GRIP1: variants seen among roughly 807,000 people sequenced by gnomAD.
GRIP1 encodes the protein glutamate receptor-interacting protein 1.
In GRIP1, 45 loss-of-function variants were observed where a neutral mutation model predicts 129.9. The ratio of observed to expected loss-of-function variants is 0.35; its 90% CI spans 0.27 to 0.44. The LOEUF is 0.44. Among genes scored for constraint, GRIP1 ranks in the 20% least tolerant of loss-of-function variants. The pLI is 1.00. For missense variants in GRIP1, 1,196 were observed against 1,396.8 expected, an observed-to-expected ratio of 0.86 and a Z score of 2.29; for synonymous variants, 530 against 520.8, an observed-to-expected ratio of 1.02 and a Z score of -0.24.
At chr12:66,378,046 G>T (rs540869014) in intron 20 of GRIP1, among the ~76,000 whole-genome samples, 1 of 151,904 alleles carries the variant, frequency 6.6e-6, no homozygotes, top group Non-Finnish European at 1.5e-5. Context: ...AAATGTTTTG[G>T]TAAGGAACAA....
chr12:66,988,049 G>C (rs1443526142), intron 1 of GRIP1, among the ~76,000 whole-genome samples: 1 of 152,086 alleles, frequency 6.6e-6, no homozygotes, highest in Non-Finnish European at 1.5e-5. Context: ...CCAGAGGTCA[G>C]GATAAAAGAA....
chr12:66,979,343 G>GAAAA (rs1006535932), intron 1 of GRIP1, among the ~76,000 whole-genome samples: 2 of 137,050 alleles, frequency 1.5e-5, no homozygotes, highest in Non-Finnish European at 3.1e-5. Flanking sequence ...TTGGCAAGGT[G>GAAAA]AAAAAAAAAA....
intron 22 of GRIP1, 40 bp downstream of exon 22, chr12:66,376,977 C>CAGCTT: frequency 6.9e-7 from 1 of 1,453,342 alleles, no homozygotes; most frequent in Non-Finnish European, 9.7e-7. Context: ...GTAGGGAAGG[C>CAGCTT]AGCTTCACAA....
At chr12:66,994,711 T>C (rs890796467) in intron 1 of GRIP1, among the ~76,000 whole-genome samples, 2 of 151,942 alleles carry the variant, frequency 1.3e-5, no homozygotes, top group African/African-American at 4.8e-5. Flanking sequence ...ATCTAAAAAA[T>C]AGAAAGTCTT....
intron 2 of GRIP1, among the ~76,000 whole-genome samples, chr12:66,565,400 T>A (rs1273909228): frequency 1.3e-5 from 2 of 152,208 alleles, no homozygotes; most frequent in Non-Finnish European, 2.9e-5. Flanking sequence ...CCATTTCTTG[T>A]TTTTGTCAGG....
intron 1 of GRIP1, among the ~76,000 whole-genome samples, chr12:66,637,285 T>C (rs2031487872): frequency 6.6e-6 from 1 of 152,138 alleles, no homozygotes; most frequent in South Asian, 2.1e-4. Context: ...TTTGGGAAGA[T>C]AAAGGATGAT....
intron 4 of GRIP1, among the ~76,000 whole-genome samples, chr12:66,533,513 T>C (rs11612762): frequency 0.19 from 28,985 of 151,894 alleles, 2,831 homozygotes; most frequent in African/African-American, 0.22. Context: ...GACATAATGG[T>C]GGGCACCTGT....
At chr12:66,372,905 T>C (rs1412638538) in intron 22 of GRIP1, among the ~76,000 whole-genome samples, 1 of 152,214 alleles carries the variant, frequency 6.6e-6, no homozygotes, top group Non-Finnish European at 1.5e-5. Flanking sequence ...TTGGTAAATC[T>C]TCCTGATACC....
At chr12:66,976,411 C>T (rs1036726544) in intron 1 of GRIP1, among the ~76,000 whole-genome samples, 2 of 152,146 alleles carry the variant, frequency 1.3e-5, no homozygotes, top group Admixed American at 6.6e-5. Flanking sequence ...GGCTGGCATA[C>T]AAACAAATGC....
At chr12:66,783,000 T>C (rs1298151584) in intron 1 of GRIP1, among the ~76,000 whole-genome samples, 1 of 152,136 alleles carries the variant, frequency 6.6e-6, no homozygotes, top group Non-Finnish European at 1.5e-5. Context: ...GAATTAATAG[T>C]GCATTGCCAT....
intron 1 of GRIP1, among the ~76,000 whole-genome samples, chr12:66,973,858 T>C (rs2042111328): frequency 1.3e-5 from 2 of 151,956 alleles, no homozygotes; most frequent in African/African-American, 2.4e-5. Flanking sequence ...CTTCAGCATA[T>C]TGAATATTGA....
At chr12:66,980,213 T>C (rs1382427230) in intron 1 of GRIP1, among the ~76,000 whole-genome samples, 1 of 152,252 alleles carries the variant, frequency 6.6e-6, no homozygotes, top group African/African-American at 2.4e-5. Flanking sequence ...TTTGTACTTC[T>C]ATTTGAATGT....
chr12:66,359,453 C>T (rs889908010), intron 23 of GRIP1, among the ~76,000 whole-genome samples: 2 of 152,182 alleles, frequency 1.3e-5, no homozygotes. Flanking sequence ...ACTAACAACA[C>T]CACCCAATGG....
At chr12:67,007,798 A>T (rs995137736) in intron 1 of GRIP1, among the ~76,000 whole-genome samples, 2 of 152,186 alleles carry the variant, frequency 1.3e-5, no homozygotes, top group Non-Finnish European at 2.9e-5. Flanking sequence ...GATGCCTTTG[A>T]TATCTATACT....
intron 7 of GRIP1, among the ~76,000 whole-genome samples, chr12:66,501,608 C>T (rs12812467): frequency 0.18 from 28,066 of 152,100 alleles, 2,792 homozygotes; most frequent in Middle Eastern, 0.23. Flanking sequence ...AAGGAAAAGC[C>T]ATTCTTGTCT....
intron 2 of GRIP1, among the ~76,000 whole-genome samples, chr12:66,584,862 ACT>A (rs2063554392): frequency 6.6e-6 from 1 of 150,764 alleles, no homozygotes; most frequent in South Asian, 2.1e-4. Context: ...TCCCCTCCAT[ACT>A]CTCTGTGGAT....
intron 1 of GRIP1, among the ~76,000 whole-genome samples, chr12:66,657,922 G>T (rs2033262132): frequency 6.6e-6 from 1 of 152,150 alleles, no homozygotes; most frequent in African/African-American, 2.4e-5. Flanking sequence ...CATGTTTCAA[G>T]AATTTAACTT....
intron 1 of GRIP1, among the ~76,000 whole-genome samples, chr12:66,675,178 T>C (rs919172069): frequency 2.6e-5 from 4 of 152,032 alleles, no homozygotes; most frequent in Admixed American, 2.0e-4. Flanking sequence ...TTTGAGCCAG[T>C]AGAGAAAAGA....
At chr12:66,398,329 G>C (rs191736122) in intron 16 of GRIP1, among the ~76,000 whole-genome samples, 1 of 151,910 alleles carries the variant, frequency 6.6e-6, no homozygotes, top group Non-Finnish European at 1.5e-5. Context: ...CTGTGCAAGA[G>C]CTGAGCTGGC....
Sources: allele counts gnomAD v4.1 joint callset (sites outside exome capture counted in the v4.1 genomes callset), GRCh38; gene constraint gnomAD v4.1.1; transcripts MANE v1.5; gene names NCBI Gene and HGNC (gene_info 2026-07-23, HGNC 2026-07-21).